NAV2: variants seen among roughly 807,000 people sequenced by gnomAD.
NAV2 encodes neuron navigator 2.
Under a neutral mutation model 223.2 loss-of-function variants are expected in NAV2, and 54 were observed. The observed-to-expected ratio is 0.24, with a 90% CI of 0.19 to 0.30. NAV2 has a LOEUF of 0.30. Among genes scored for constraint, NAV2 ranks in the 10% least tolerant of loss-of-function variants. The pLI is 1.00. For synonymous variants in NAV2, 1,279 were observed against 1,239.3 expected (o/e 1.03, Z -0.67); for missense variants, 2,806 against 3,147.5 (o/e 0.89, Z 2.60).
chr11:19,436,009 G>C (rs772003366), intron 1 of NAV2, among the ~76,000 whole-genome samples: 1 of 152,004 alleles, frequency 6.6e-6, no homozygotes, highest in Non-Finnish European at 1.5e-5. Flanking sequence ...TTTCCCCCCA[G>C]TCTCTGTGTC....
chr11:20,093,024 C>A, intron 28 of NAV2, 75 bp from the exon 29 acceptor site: 2 of 823,066 alleles, frequency 2.4e-6, no homozygotes, highest in South Asian at 2.8e-5. Flanking sequence ...GCTGTGCCAA[C>A]CTGCAGCGGG....
intron 1 of NAV2, among the ~76,000 whole-genome samples, chr11:19,491,535 A>G (rs1407382259): frequency 1.3e-5 from 2 of 152,038 alleles, no homozygotes; most frequent in African/African-American, 4.8e-5. Flanking sequence ...CAGCTTCCTC[A>G]TCTCTCTCAG....
At chr11:19,436,308 C>T (rs545850332) in intron 1 of NAV2, among the ~76,000 whole-genome samples, 20 of 152,138 alleles carry the variant, frequency 1.3e-4, no homozygotes, top group South Asian at 4.2e-4. Flanking sequence ...TCCAGTTATC[C>T]GAAAATTGTT....
intron 1 of NAV2, among the ~76,000 whole-genome samples, chr11:19,678,499 C>T (rs1464871313): frequency 6.6e-6 from 1 of 152,150 alleles, no homozygotes; most frequent in Non-Finnish European, 1.5e-5. Context: ...TTTCTCTTTT[C>T]ATCAACTGTT....
chr11:20,010,509 C>T (rs984329426), intron 11 of NAV2, among the ~76,000 whole-genome samples: 1 of 152,138 alleles, frequency 6.6e-6, no homozygotes, highest in Non-Finnish European at 1.5e-5. Flanking sequence ...CCCCCCACCA[C>T]CTTTTTTTTA....
chr11:19,637,094 A>G (rs1036331137), intron 1 of NAV2, among the ~76,000 whole-genome samples: 15 of 152,134 alleles, frequency 9.9e-5, no homozygotes, highest in African/African-American at 3.6e-4. Context: ...TGGTCTTGGG[A>G]AGCCTCACTA....
chr11:19,553,884 T>A (rs1382340573), intron 1 of NAV2, among the ~76,000 whole-genome samples: 1 of 152,202 alleles, frequency 6.6e-6, no homozygotes, highest in East Asian at 1.9e-4. Context: ...AGGCCCAGAA[T>A]GGGTGGCAAA....
chr11:20,107,164 G>A (rs1335692819), intron 35 of NAV2: 1 of 138,858 alleles, frequency 7.2e-6, no homozygotes, highest in Admixed American at 7.9e-5. Context: ...TGCAAGCTCT[G>A]CCTCCCAGGT....
intron 1 of NAV2, among the ~76,000 whole-genome samples, chr11:19,489,298 G>A (rs1221610023): frequency 2.0e-5 from 3 of 152,178 alleles, no homozygotes; most frequent in African/African-American, 7.2e-5. Flanking sequence ...GCTTCTATGG[G>A]AGAGAGAGGG....
At chr11:19,772,274 T>C (rs1317057854) in intron 1 of NAV2, among the ~76,000 whole-genome samples, 2 of 152,186 alleles carry the variant, frequency 1.3e-5, no homozygotes, top group African/African-American at 2.4e-5. Context: ...TGGGGTTTCA[T>C]TTCCTGCATG....
intron 1 of NAV2, among the ~76,000 whole-genome samples, chr11:19,515,777 A>G (rs1432925490): frequency 6.6e-6 from 1 of 152,184 alleles, no homozygotes; most frequent in Admixed American, 6.5e-5. Flanking sequence ...GGCTTGGACC[A>G]GGTGGAAGCA....
chr11:19,663,949 C>T (rs1022781258), intron 1 of NAV2, among the ~76,000 whole-genome samples: 1 of 152,174 alleles, frequency 6.6e-6, no homozygotes, highest in Non-Finnish European at 1.5e-5. Flanking sequence ...ATGGCAGGCA[C>T]CGCTAAGTAC....
In NAV2 at chr11:20,115,931, C is replaced by A. The variant is rs535292674; in HGVS notation, c.7164+1136C>A. Among the ~76,000 whole-genome samples the A allele has an allele frequency of 2.0e-5, 3 of 152,176 alleles. No homozygotes were observed. The South Asian group carries it at 6.2e-4, about 32-fold the overall frequency. On this transcript the variant is annotated intron_variant, in intron 37 of 37. Coordinates refer to ENST00000349880, the MANE Select transcript of NAV2 (RefSeq NM_145117.5). ...TTGTCTCAAACAAACAAAAGAAACA[C>A]CCGGGCCAATAACAGTAGTATTTCT...
intron 1 of NAV2, among the ~76,000 whole-genome samples, chr11:19,477,974 C>T (rs147719711): frequency 4.6e-5 from 7 of 152,182 alleles, no homozygotes; most frequent in Admixed American, 4.6e-4. Flanking sequence ...AATACAAAGG[C>T]TAACTTGCTG....
intron 6 of NAV2, among the ~76,000 whole-genome samples, chr11:19,905,176 A>T (rs1351309915): frequency 6.6e-6 from 1 of 152,096 alleles, no homozygotes; most frequent in East Asian, 1.9e-4. Context: ...ATTTGTGATG[A>T]CCTCTTTTAC....
chr11:19,394,537 C>T (rs1849374986), intron 1 of NAV2, among the ~76,000 whole-genome samples: 1 of 152,188 alleles, frequency 6.6e-6, no homozygotes, highest in African/African-American at 2.4e-5. Context: ...CTCTTGTCTT[C>T]TCAGAGCTTA....
chr11:20,114,312 T>C, intron 36 of NAV2: 1 of 502,192 alleles, frequency 2.0e-6, no homozygotes, highest in African/African-American at 1.9e-5. Flanking sequence ...GCTCAGAGTT[T>C]AGGGTCACAC....
chr11:19,807,044 A>G (rs2058604810), intron 1 of NAV2, among the ~76,000 whole-genome samples: 1 of 152,228 alleles, frequency 6.6e-6, no homozygotes, highest in Admixed American at 6.5e-5. Context: ...ACTCTGATGC[A>G]CAGCTAGAAT....
chr11:20,050,668 A>T (rs914836245), intron 16 of NAV2, among the ~76,000 whole-genome samples: 1 of 152,158 alleles, frequency 6.6e-6, no homozygotes, highest in African/African-American at 2.4e-5. Context: ...GTCTTTAGAA[A>T]TCCAAGTGCT....
Sources: allele counts gnomAD v4.1 joint callset (sites outside exome capture counted in the v4.1 genomes callset), GRCh38; gene constraint gnomAD v4.1.1; transcripts MANE v1.5; gene names NCBI Gene and HGNC (gene_info 2026-07-23, HGNC 2026-07-21).